The following MOBP variants were observed in gnomAD, a reference collection of about 807,000 sequenced individuals.
MOBP encodes the protein myelin associated oligodendrocyte basic protein.
A neutral mutation model predicts 15.0 loss-of-function variants in MOBP; 5 were observed. The observed-to-expected ratio is 0.33, with a 90% CI of 0.17 to 0.70. The LOEUF (loss-of-function observed/expected upper bound fraction) is 0.70. Among genes scored for constraint, MOBP ranks in the 30% least tolerant of loss-of-function variants. The pLI, the probability that MOBP is intolerant of heterozygous loss-of-function variation, is 0.67. For synonymous variants in MOBP, 88 were observed against 99.0 expected (o/e 0.89, Z 0.66); for missense variants, 188 against 257.8 (o/e 0.73, Z 1.85).
intron 1 of MOBP, among the ~76,000 whole-genome samples, chr3:39,469,909 T>C (rs905177350): frequency 2.0e-5 from 3 of 152,348 alleles, no homozygotes; most frequent in South Asian, 4.1e-4. Context: ...GTATTGCCCT[T>C]GGATTATAAA....
rs529967674 is a variant in MOBP, at chr3:39,483,906, A to G, written c.-5+3783A>G. Among the ~76,000 whole-genome samples, 23 of 152,350 alleles carry G rather than the reference A, an allele frequency of 1.5e-4. No individual in the cohort carries two copies. The South Asian group carries it at 3.7e-3, about 25-fold the overall frequency. Reference sequence around the variant, plus strand: ...CTGACAAAAGCAGCCCGAGTCCTACATAACATCCCAGAGGACAGAAGCACC... The same window carrying G: ...CTGACAAAAGCAGCCCGAGTCCTACGTAACATCCCAGAGGACAGAAGCACC... On this transcript the variant is annotated intron_variant, in intron 2 of 3. Coordinates refer to ENST00000684792, the MANE Select transcript of MOBP (RefSeq NM_001393704.1).
At chr3:39,483,235 A>G (rs968688969) in intron 2 of MOBP, among the ~76,000 whole-genome samples, 5 of 152,186 alleles carry the variant, frequency 3.3e-5, no homozygotes, top group Non-Finnish European at 7.3e-5. Context: ...GAATGAATGA[A>G]TGGTTTTAAT....
chr3:39,488,532 A>G (rs2042748772), intron 2 of MOBP, among the ~76,000 whole-genome samples: 1 of 152,164 alleles, frequency 6.6e-6, no homozygotes, highest in African/African-American at 2.4e-5. Flanking sequence ...CCTACCCCAG[A>G]CTAGTCTATT....
At chr3:39,480,003 A>G (rs772179120) in intron 1 of MOBP, 37 bp from the exon 2 acceptor site, 5 of 150,860 alleles carry the variant, frequency 3.3e-5, no homozygotes, top group African/African-American at 7.4e-5. Context: ...CCAAAACACT[A>G]TATTAACCAG....
chr3:39,508,208 T>G (rs1340223), intron 4 of MOBP, among the ~76,000 whole-genome samples: 46,875 of 152,186 alleles, frequency 0.31, 9,464 homozygotes, highest in African/African-American at 0.58. Context: ...GTGTCATGTA[T>G]GCATGTGTAG....
At chr3:39,509,108 A>G (rs989014678) in intron 4 of MOBP, among the ~76,000 whole-genome samples, 39 of 149,536 alleles carry the variant, frequency 2.6e-4, no homozygotes, top group Middle Eastern at 7.0e-3. Flanking sequence ...GTGTGTGTAT[A>G]TATATATATA....
At chr3:39,509,351 C>G (rs2043090411) in intron 4 of MOBP, among the ~76,000 whole-genome samples, 1 of 152,082 alleles carries the variant, frequency 6.6e-6, no homozygotes, top group Non-Finnish European at 1.5e-5. Flanking sequence ...CTACCAGTAA[C>G]CTGGGCTTAT....
intron 2 of MOBP, among the ~76,000 whole-genome samples, chr3:39,481,689 C>A (rs1240529214): frequency 6.6e-6 from 1 of 152,188 alleles, no homozygotes. Flanking sequence ...CTCTGTCTAT[C>A]TTTAGTCACT....
At chr3:39,524,722 A>C (rs564216893) in exon 5 of MOBP, 19 of 152,314 alleles carry the variant, frequency 1.2e-4, no homozygotes, top group Middle Eastern at 3.4e-3. Flanking sequence ...GAATTCATAG[A>C]AAAAGTAGGT....
chr3:39,511,445 G>T (rs1416148121), intron 4 of MOBP, among the ~76,000 whole-genome samples: 2 of 152,168 alleles, frequency 1.3e-5, no homozygotes. Context: ...TGACTTTTGT[G>T]TACTAGTGAC....
intron 4 of MOBP, among the ~76,000 whole-genome samples, chr3:39,512,189 A>G (rs1575319567): frequency 6.6e-6 from 1 of 152,176 alleles, no homozygotes; most frequent in Non-Finnish European, 1.5e-5. Flanking sequence ...TGTGGCTGCT[A>G]TTGCTAGTAA....
intron 2 of MOBP, 147 bp from the exon 3 acceptor site, chr3:39,501,919 A>C: frequency 1.6e-6 from 1 of 614,222 alleles, no homozygotes; most frequent in Non-Finnish European, 2.9e-6. Flanking sequence ...GTTGGGGGGA[A>C]GTTGGTCTTC....
At chr3:39,479,408 T>C (rs1191987807) in intron 1 of MOBP, among the ~76,000 whole-genome samples, 1 of 149,796 alleles carries the variant, frequency 6.7e-6, no homozygotes, top group Admixed American at 6.6e-5. Context: ...TTTTTTTTTT[T>C]CAAATAGCCC....
intron 4 of MOBP, among the ~76,000 whole-genome samples, chr3:39,508,722 G>T (rs1262356771): frequency 1.3e-5 from 2 of 151,884 alleles, no homozygotes; most frequent in Non-Finnish European, 2.9e-5. Flanking sequence ...GCTAATTTTT[G>T]TATTTTTAGT....
chr3:39,491,666 C>G (rs910439356), intron 2 of MOBP, among the ~76,000 whole-genome samples: 4 of 152,118 alleles, frequency 2.6e-5, no homozygotes, highest in African/African-American at 9.7e-5. Context: ...GAAAGCTGAG[C>G]CTCAGGTTTG....
chr3:39,488,442 G>C (rs939835198), intron 2 of MOBP, among the ~76,000 whole-genome samples: 1 of 152,116 alleles, frequency 6.6e-6, no homozygotes, highest in Non-Finnish European at 1.5e-5. Context: ...CTGGATGTCT[G>C]TGCTTCCTTG....
chr3:39,469,184 G>GTGTATATACATATATACATA (rs2042424687), intron 1 of MOBP, among the ~76,000 whole-genome samples: 1 of 102,752 alleles, frequency 9.7e-6, no homozygotes, highest in Non-Finnish European at 1.9e-5. Flanking sequence ...ATACATGTGT[G>GTGTATATACATATATACATA]TGTGTGTATA....
exon 5 of MOBP, chr3:39,515,782 G>T (rs1349144103): frequency 6.6e-6 from 1 of 152,154 alleles, no homozygotes; most frequent in Non-Finnish European, 1.5e-5. Flanking sequence ...ACTCGGTGCT[G>T]TTTCCATAGT....
At chr3:39,508,551 AT>A (rs10681564) in intron 4 of MOBP, among the ~76,000 whole-genome samples, 174 of 135,204 alleles carry the variant, frequency 1.3e-3, no homozygotes, top group Middle Eastern at 7.5e-3. Flanking sequence ...ATATTGTTGC[AT>A]TTTTTTTTTT....
Sources: gnomAD v4.1 joint callset for allele counts (sites outside exome capture counted in the v4.1 genomes callset) on GRCh38, gnomAD v4.1.1 for gene constraint, MANE v1.5 for transcripts, NCBI Gene and HGNC (gene_info 2026-07-23, HGNC 2026-07-21) for gene names.